The following PCDH9 variants were observed in gnomAD, a reference collection of about 807,000 sequenced individuals.
PCDH9 encodes the protein protocadherin-9.
In PCDH9, 24 loss-of-function variants were observed where a neutral mutation model predicts 70.6. The observed-to-expected ratio is 0.34, with a 90% confidence interval of 0.25 to 0.48. The LOEUF (loss-of-function observed/expected upper bound fraction) is 0.48, where lower values mean the gene tolerates loss of function less well. Ranked by LOEUF, PCDH9 falls within the 20% of genes least tolerant of loss-of-function variation. The probability of loss-of-function intolerance (pLI) is 0.99; values close to 1 mark genes in which losing one functional copy is unlikely to be tolerated. For synonymous variants in PCDH9, 562 were observed against 558.5 expected (o/e 1.01, Z -0.09); for missense variants, 1,281 against 1,503.6 (o/e 0.85, Z 2.45).
At chr13:66,441,481 A>G (rs1350524064) in intron 4 of PCDH9, among the ~76,000 whole-genome samples, 1 of 152,204 alleles carries the variant, frequency 6.6e-6, no homozygotes, top group African/African-American at 2.4e-5. Flanking sequence ...GCAAAGCAAG[A>G]TAAGTATTAA....
At chr13:66,641,747 A>G (rs1199264462) in intron 3 of PCDH9, among the ~76,000 whole-genome samples, 1 of 152,178 alleles carries the variant, frequency 6.6e-6, no homozygotes, top group Admixed American at 6.5e-5. Context: ...AGATATAGGT[A>G]GTTAAGTAGA....
chr13:66,466,992 T>C (rs889294999), intron 4 of PCDH9, among the ~76,000 whole-genome samples: 1 of 152,032 alleles, frequency 6.6e-6, no homozygotes, highest in Non-Finnish European at 1.5e-5. Context: ...ACTGACTCTG[T>C]TTCAGGCATT....
intron 2 of PCDH9, among the ~76,000 whole-genome samples, chr13:67,125,090 C>T (rs1304767701): frequency 6.6e-6 from 1 of 152,056 alleles, no homozygotes; most frequent in Non-Finnish European, 1.5e-5. Context: ...AGTCTTTGAG[C>T]CTGAGTTTCC....
At chr13:66,696,610 A>T (rs2078565855) in intron 3 of PCDH9, among the ~76,000 whole-genome samples, 1 of 152,110 alleles carries the variant, frequency 6.6e-6, no homozygotes, top group Non-Finnish European at 1.5e-5. Flanking sequence ...CTAACAGCAA[A>T]ACTGGATTCC....
chr13:66,556,687 A>C (rs1961754366), intron 4 of PCDH9, among the ~76,000 whole-genome samples: 5 of 152,174 alleles, frequency 3.3e-5, no homozygotes, highest in Admixed American at 3.3e-4. Flanking sequence ...TAATCATAAA[A>C]ATTTTTAAAG....
At chr13:67,035,773 T>A (rs541130945) in intron 2 of PCDH9, among the ~76,000 whole-genome samples, 96 of 152,226 alleles carry the variant, frequency 6.3e-4, no homozygotes, top group African/African-American at 2.3e-3. Context: ...TCTTTCACTA[T>A]CTTTAAAAGA....
intron 2 of PCDH9, chr13:67,218,406 A>T (rs2089654828): frequency 6.6e-6 from 1 of 152,108 alleles, no homozygotes; most frequent in Non-Finnish European, 1.5e-5. Flanking sequence ...CAGCTCAATG[A>T]CAATTCTTCA....
intron 4 of PCDH9, among the ~76,000 whole-genome samples, chr13:66,542,671 T>C (rs1365147585): frequency 7.6e-6 from 1 of 131,420 alleles, no homozygotes; most frequent in East Asian, 2.3e-4. Context: ...AATATATATA[T>C]ATTTAAATAT....
At chr13:66,711,548 G>A (rs1427656167) in intron 3 of PCDH9, among the ~76,000 whole-genome samples, 1 of 151,898 alleles carries the variant, frequency 6.6e-6, no homozygotes, top group Non-Finnish European at 1.5e-5. Context: ...AAAAAAATCA[G>A]TCGTCTTTTC....
rs557818111 is a variant in PCDH9, at chr13:67,042,115, G to A, written c.3037-138510C>T. On this transcript the variant is annotated intron_variant, in intron 2 of 4. Coordinates refer to ENST00000377865, the MANE Select transcript of PCDH9 (RefSeq NM_203487.3). Reference sequence around the variant, plus strand: ...GATCCCTGACTGGCCGACTGTGTGGGATGGAGTTATTCCACAAGCATGGGG... The same window carrying A: ...GATCCCTGACTGGCCGACTGTGTGGAATGGAGTTATTCCACAAGCATGGGG... Among the ~76,000 whole-genome samples the A allele has an allele frequency of 1.2e-4, 19 of 152,274 alleles. No individual in the cohort carries two copies. The South Asian group carries it at 3.9e-3, about 32-fold the overall frequency.
chr13:66,869,175 C>T (rs377661969), intron 3 of PCDH9, among the ~76,000 whole-genome samples: 11 of 152,066 alleles, frequency 7.2e-5, no homozygotes, highest in African/African-American at 2.2e-4. Context: ...CCTGGCCCCT[C>T]GCTAAAGATG....
rs544837598 is a variant in PCDH9 at position 67,186,413 on chromosome 13, G to T, written c.3036+38992C>A. Reference sequence around the variant, plus strand: ...ATAATTCATACTATAATAAAGAACTGCTTCTTAAACTTTAATGTACATCGT... The same window carrying T: ...ATAATTCATACTATAATAAAGAACTTCTTCTTAAACTTTAATGTACATCGT... On this transcript the variant is annotated intron_variant, in intron 2 of 4. Transcript: ENST00000377865. Among the ~76,000 whole-genome samples, 4 of 152,184 alleles carry T rather than the reference G, an allele frequency of 2.6e-5. No homozygotes were observed. In the South Asian group the frequency reaches 8.3e-4, roughly 32 times the overall value.
intron 3 of PCDH9, among the ~76,000 whole-genome samples, chr13:66,642,948 C>CT (rs1218557211): frequency 1.3e-5 from 2 of 151,810 alleles, no homozygotes; most frequent in East Asian, 3.9e-4. Flanking sequence ...CAGAAATGTT[C>CT]TTTTTGGCTC....
intron 2 of PCDH9, among the ~76,000 whole-genome samples, chr13:66,946,212 A>G (rs1323913): frequency 0.58 from 87,478 of 152,018 alleles, 26,609 homozygotes; most frequent in East Asian, 0.84. Flanking sequence ...AAAAAGTTAT[A>G]AAATCCTACA....
At chr13:67,033,859 A>C (rs1420901156) in intron 2 of PCDH9, among the ~76,000 whole-genome samples, 1 of 152,232 alleles carries the variant, frequency 6.6e-6, no homozygotes, top group African/African-American at 2.4e-5. Flanking sequence ...TCAAGTTAGC[A>C]ATGGTAAACA....
chr13:66,808,238 C>A (rs749049901), intron 3 of PCDH9, among the ~76,000 whole-genome samples: 1 of 152,056 alleles, frequency 6.6e-6, no homozygotes, highest in Non-Finnish European at 1.5e-5. Flanking sequence ...AGTTTGATTT[C>A]TTTCTGTTAT....
chr13:66,829,193 T>C (rs2080879650), intron 3 of PCDH9, among the ~76,000 whole-genome samples: 1 of 152,000 alleles, frequency 6.6e-6, no homozygotes, highest in African/African-American at 2.4e-5. Flanking sequence ...AGTACTGTAC[T>C]TTTAGTAGAG....
intron 4 of PCDH9, among the ~76,000 whole-genome samples, chr13:66,599,673 T>C (rs1044878638): frequency 5.3e-5 from 8 of 151,826 alleles, no homozygotes; most frequent in Non-Finnish European, 8.8e-5. Flanking sequence ...CTTTGATTAG[T>C]ACAGTGTATC....
chr13:66,922,235 T>A (rs534140664), intron 2 of PCDH9, among the ~76,000 whole-genome samples: 1 of 151,512 alleles, frequency 6.6e-6, no homozygotes, highest in Admixed American at 6.6e-5. Flanking sequence ...TCAAAAATTA[T>A]TAATATTTTA....
Sources: allele counts gnomAD v4.1 joint callset (sites outside exome capture counted in the v4.1 genomes callset), GRCh38; gene constraint gnomAD v4.1.1; transcripts MANE v1.5; gene names NCBI Gene and HGNC (gene_info 2026-07-23, HGNC 2026-07-21).